DPF3: variants seen among roughly 807,000 people sequenced by gnomAD.
DPF3 encodes double PHD fingers 3.
Under a neutral mutation model 56.8 loss-of-function variants are expected in DPF3, and 18 were observed. The observed-to-expected ratio is 0.32, with a 90% CI of 0.22 to 0.47. DPF3 has a LOEUF of 0.47. Among genes scored for constraint, DPF3 ranks in the 20% least tolerant of loss-of-function variants. The pLI, the probability that DPF3 is intolerant of heterozygous loss-of-function variation, is 1.00. For missense variants in DPF3, 403 were observed against 488.8 expected (o/e 0.82, Z 1.65); for synonymous variants, 188 against 180.2 (o/e 1.04, Z -0.35).
At chr14:72,724,660 G>A (rs1485729859) in intron 4 of DPF3, among the ~76,000 whole-genome samples, 1 of 151,674 alleles carries the variant, frequency 6.6e-6, no homozygotes, top group Non-Finnish European at 1.5e-5. Flanking sequence ...GAGGGAAGGG[G>A]CATGGAGCTC....
chr14:72,778,362 C>T (rs960728588), intron 1 of DPF3, among the ~76,000 whole-genome samples: 2 of 152,118 alleles, frequency 1.3e-5, no homozygotes, highest in African/African-American at 4.8e-5. Context: ...GTGAACTGCA[C>T]ATATGAGGGA....
At chr14:72,714,623 T>TCTTA in intron 5 of DPF3, 122 bp from the exon 6 acceptor site, 2 of 1,092,056 alleles carry the variant, frequency 1.8e-6, no homozygotes, top group South Asian at 3.0e-5. Flanking sequence ...ACCAGTCCCA[T>TCTTA]CTTACAGGGG....
At chr14:72,646,031 G>A (rs751867284) in intron 8 of DPF3, among the ~76,000 whole-genome samples, 5 of 152,234 alleles carry the variant, frequency 3.3e-5, no homozygotes, top group Middle Eastern at 6.8e-3. Flanking sequence ...CAGGTGATTC[G>A]CATGCACAGG....
chr14:72,725,429 G>T (rs1461688475), intron 4 of DPF3, among the ~76,000 whole-genome samples: 1 of 152,078 alleles, frequency 6.6e-6, no homozygotes, highest in Non-Finnish European at 1.5e-5. Context: ...AATGAGGACA[G>T]AGGGGAGGGA....
rs1486991653 is a variant in DPF3 at position 72,731,797 on chromosome 14, G to A, written c.429+10C>T. ...ACACTCTGTGGGGTCCCCAGCAGGTGTGGGAATACCTGTATTTCCTGGATG... is the reference window on the plus strand; with the variant it reads ...ACACTCTGTGGGGTCCCCAGCAGGTATGGGAATACCTGTATTTCCTGGATG... On this transcript the variant is annotated intron_variant, in intron 4 of 10. Coordinates refer to ENST00000556509, the MANE Select transcript of DPF3 (RefSeq NM_001280542.3). The A allele has an allele frequency of 6.2e-7, 1 of 1,613,340 alleles. No homozygotes were observed.
intron 1 of DPF3, among the ~76,000 whole-genome samples, chr14:72,830,178 A>T (rs1430423763): frequency 1.3e-5 from 2 of 152,240 alleles, no homozygotes; most frequent in Admixed American, 6.5e-5. Context: ...AGGATAATAT[A>T]ATTTTAAGAT....
chr14:72,846,638 G>A (rs2140077060), intron 1 of DPF3, among the ~76,000 whole-genome samples: 1 of 97,536 alleles, frequency 1.0e-5, no homozygotes, highest in Non-Finnish European at 2.4e-5. Flanking sequence ...GCCCAGCCTA[G>A]GATAGTCTTG....
intron 8 of DPF3, among the ~76,000 whole-genome samples, chr14:72,663,963 G>C (rs780285478): frequency 4.6e-5 from 7 of 151,858 alleles, no homozygotes; most frequent in Non-Finnish European, 8.8e-5. Context: ...CCTTGACCAA[G>C]TCCTCCCTCC....
intron 1 of DPF3, among the ~76,000 whole-genome samples, chr14:72,828,685 G>A (rs1008618708): frequency 6.6e-6 from 1 of 152,160 alleles, no homozygotes; most frequent in Non-Finnish European, 1.5e-5. Context: ...AAGGGCAAAG[G>A]CTGAGAAAGA....
At chr14:72,865,470 C>T (rs528561370) in intron 1 of DPF3, among the ~76,000 whole-genome samples, 11 of 152,328 alleles carry the variant, frequency 7.2e-5, no homozygotes, top group African/African-American at 2.4e-4. Flanking sequence ...GGGATGACGA[C>T]GAAGTTCCTG....
intron 1 of DPF3, among the ~76,000 whole-genome samples, chr14:72,815,671 G>A (rs1272641164): frequency 4.6e-5 from 7 of 152,190 alleles, no homozygotes; most frequent in South Asian, 2.1e-4. Context: ...AGTCTTAAAC[G>A]CATGGTATCA....
At chr14:72,738,882 AATAT>A (rs1890011952) in intron 3 of DPF3, among the ~76,000 whole-genome samples, 1 of 152,186 alleles carries the variant, frequency 6.6e-6, no homozygotes, top group Non-Finnish European at 1.5e-5. Flanking sequence ...GTATGCCATA[AATAT>A]ATATAACTTT....
chr14:72,822,413 C>T (rs762360392), intron 1 of DPF3, among the ~76,000 whole-genome samples: 1 of 150,530 alleles, frequency 6.6e-6, no homozygotes. Context: ...AATCTATGTC[C>T]TAGATTGTTA....
intron 6 of DPF3, among the ~76,000 whole-genome samples, chr14:72,711,498 C>G (rs1378184717): frequency 6.6e-6 from 1 of 152,104 alleles, no homozygotes; most frequent in East Asian, 1.9e-4. Flanking sequence ...AGAGGGTGGA[C>G]AGGGCATAAG....
intron 1 of DPF3, among the ~76,000 whole-genome samples, chr14:72,830,745 A>C (rs1884017865): frequency 1.3e-5 from 2 of 152,212 alleles, no homozygotes. Flanking sequence ...TCTGGGTCAA[A>C]AGGACCTTAC....
At chr14:72,868,717 G>A (rs1437949899) in intron 1 of DPF3, among the ~76,000 whole-genome samples, 1 of 152,188 alleles carries the variant, frequency 6.6e-6, no homozygotes, top group Non-Finnish European at 1.5e-5. Context: ...GTGTCCATCA[G>A]AATGACAGGA....
chr14:72,798,397 G>A (rs1030802944), intron 1 of DPF3, among the ~76,000 whole-genome samples: 4 of 148,278 alleles, frequency 2.7e-5, no homozygotes, highest in African/African-American at 1.0e-4. Context: ...TTAATATTCT[G>A]TATCCCAGTA....
intron 8 of DPF3, among the ~76,000 whole-genome samples, chr14:72,634,215 C>A (rs1012936382): frequency 6.6e-6 from 1 of 152,140 alleles, no homozygotes; most frequent in Admixed American, 6.5e-5. Context: ...GAGGGTGAGA[C>A]ACAAAAAGTT....
In DPF3 at chr14:72,860,015, C is replaced by T. The variant is rs377240707; in HGVS notation, c.32+34042G>A. Among the ~76,000 whole-genome samples the T allele has an allele frequency of 1.0e-4, 15 of 150,302 alleles. 1 individual carries two copies. The South Asian group carries it at 3.2e-3, about 32-fold the overall frequency. ...GGTGTAAGCCCACCATGTAAGTAAA[C>T]ATAAGTAAACAGTGGCAGAGGAAAG... is the stretch of plus-strand genomic sequence containing the variant. On this transcript the variant is annotated intron_variant, in intron 1 of 10. Coordinates refer to ENST00000556509, the MANE Select transcript of DPF3 (RefSeq NM_001280542.3).
Sources: allele counts gnomAD v4.1 joint callset (sites outside exome capture counted in the v4.1 genomes callset), GRCh38; gene constraint gnomAD v4.1.1; transcripts MANE v1.5; gene names NCBI Gene and HGNC (gene_info 2026-07-23, HGNC 2026-07-21).